The following RGS21 variants were observed in gnomAD, a reference collection of about 807,000 sequenced individuals.
RGS21 encodes regulator of G protein signaling 21.
RGS21 carries 19 observed loss-of-function variants against 18.7 expected under a neutral mutation model. That is an observed-to-expected ratio of 1.01 (90% CI 0.71 to 1.49). The LOEUF is 1.49. RGS21 is among the 40% of genes most tolerant of loss of function. RGS21 has a pLI of 0.00. For synonymous variants in RGS21, 56 were observed against 57.8 expected, an observed-to-expected ratio of 0.97 and a Z score of 0.14; for missense variants, 194 against 176.8, an observed-to-expected ratio of 1.10 and a Z score of -0.55.
At chr1:192,357,231 G>A (rs1211980696) in intron 4 of RGS21, among the ~76,000 whole-genome samples, 1 of 151,744 alleles carries the variant, frequency 6.6e-6, no homozygotes, top group African/African-American at 2.4e-5. Context: ...GATAGGAGAG[G>A]AAGAGGAAGA....
At chr1:192,363,978 C>T (rs1659221406) in intron 4 of RGS21, among the ~76,000 whole-genome samples, 1 of 152,108 alleles carries the variant, frequency 6.6e-6, no homozygotes, top group South Asian at 2.1e-4. Flanking sequence ...ATAACAGACA[C>T]TCAAAATTTT....
intron 1 of RGS21, among the ~76,000 whole-genome samples, chr1:192,341,985 C>T (rs775056420): frequency 6.6e-6 from 1 of 151,966 alleles, no homozygotes; most frequent in Non-Finnish European, 1.5e-5. Context: ...TGATGATTTC[C>T]CTTCTTAATG....
At chr1:192,346,363 A>T (rs1445157656) in intron 2 of RGS21, among the ~76,000 whole-genome samples, 1 of 152,160 alleles carries the variant, frequency 6.6e-6, no homozygotes, top group African/African-American at 2.4e-5. Context: ...CAAATACAAA[A>T]GTTTTATAAG....
chr1:192,355,881 G>C (rs1263267322), intron 4 of RGS21, among the ~76,000 whole-genome samples: 3 of 151,264 alleles, frequency 2.0e-5, no homozygotes, highest in African/African-American at 7.3e-5. Flanking sequence ...ATGAAAATAT[G>C]TCATTAAAGA....
chr1:192,347,230 A>T (rs1571458242), intron 2 of RGS21, 83 bp from the exon 3 acceptor site: 1 of 819,128 alleles, frequency 1.2e-6, no homozygotes, highest in East Asian at 2.5e-5. Flanking sequence ...GTTCATTTGA[A>T]TGATGTAACT....
chr1:192,350,138 T>C (rs1387777888), intron 3 of RGS21, among the ~76,000 whole-genome samples: 1 of 152,164 alleles, frequency 6.6e-6, no homozygotes, highest in African/African-American at 2.4e-5. Flanking sequence ...AATTGAATTT[T>C]TATATAGTGC....
intron 4 of RGS21, among the ~76,000 whole-genome samples, chr1:192,356,041 C>A (rs1390521909): frequency 2.0e-5 from 3 of 151,696 alleles, no homozygotes; most frequent in Non-Finnish European, 4.4e-5. Context: ...AGTCAAAAAA[C>A]AGCAGAAAAT....
chr1:192,343,055 G>A lies in RGS21; in HGVS notation c.11+8G>A. On this transcript the variant is annotated splice_region_variant and intron_variant, in intron 2 of 4. Transcript: ENST00000417209. ...ACGAAAAATGCCAGTGAAGTGAGTTGCCGTTTCCAGCTATTTTTATCTCAG... is the reference window on the plus strand; with the variant it reads ...ACGAAAAATGCCAGTGAAGTGAGTTACCGTTTCCAGCTATTTTTATCTCAG... 1 of 1,612,124 alleles carries A rather than the reference G, an allele frequency of 6.2e-7. No homozygotes were observed. The highest frequency in any genetic ancestry group is 8.5e-7 in the Non-Finnish European group (1 of 1,178,448).
At position 192,367,177 on chromosome 1, in the gene RGS21, T is replaced by C. The variant is rs965061425; in HGVS notation, c.*1053T>C. 2.0e-5 allele frequency: 3 copies of C among 152,090 alleles called. No homozygotes were observed. In the South Asian group the frequency reaches 6.2e-4, roughly 32 times the overall value. The allele number at this position is 152,090 out of a possible 1,614,324, so 9.4% of individuals were successfully genotyped here. A position where few individuals can be genotyped will look rare whatever the true frequency, so the allele number is the denominator to read the frequency against. On this transcript the variant is annotated 3_prime_UTR_variant, in exon 5 of 5. Transcript: ENST00000417209. ...TTTAGATTGTTTGAACATTAAAAAA[T>C]GGAGGAAAAATAGCATGGCTTATTT...
intron 2 of RGS21, among the ~76,000 whole-genome samples, chr1:192,343,543 C>T (rs1484319714): frequency 6.6e-6 from 1 of 152,064 alleles, no homozygotes; most frequent in Non-Finnish European, 1.5e-5. Flanking sequence ...ACAACTGGTT[C>T]TAGCTGGCAT....
At chr1:192,320,091 G>A (rs997836291) in intron 1 of RGS21, among the ~76,000 whole-genome samples, 1 of 152,002 alleles carries the variant, frequency 6.6e-6, no homozygotes, top group Non-Finnish European at 1.5e-5. Context: ...CCAGATGAAA[G>A]ACATTAAGAA....
At chr1:192,363,083 T>C (rs1659209388) in intron 4 of RGS21, among the ~76,000 whole-genome samples, 1 of 152,072 alleles carries the variant, frequency 6.6e-6, no homozygotes, top group Non-Finnish European at 1.5e-5. Flanking sequence ...TTATGAGAAA[T>C]GTTTAAAAGT....
intron 4 of RGS21, among the ~76,000 whole-genome samples, chr1:192,362,743 A>T (rs1659203515): frequency 6.6e-6 from 1 of 152,168 alleles, no homozygotes; most frequent in Non-Finnish European, 1.5e-5. Flanking sequence ...TCAGAAGTAC[A>T]AGGTTAATAT....
rs113253414 is a variant in RGS21, at chr1:192,330,149, T to C, written c.-60-12828T>C. Among the ~76,000 whole-genome samples, 887 of 152,226 alleles carry C rather than the reference T, an allele frequency of 5.8e-3. 9 individuals carry two copies. The highest frequency in any genetic ancestry group is 0.02 in the African/African-American group (819 of 41,540). On this transcript the variant is annotated intron_variant, in intron 1 of 4. Transcript: ENST00000417209. ...AAGAAGTCTAAAAGGAGAGATAAGA[T>C]ATGGTCACACACTAGAAGTACACAA...
At position 192,320,951 on chromosome 1, in the gene RGS21, TGCAATTA is replaced by T. The variant is rs982497483; in HGVS notation, c.-61+3850_-61+3856del. ...GACTCCCCATATCATTTATAAACCT[TGCAATTA>T]GCATATTTTTAAAGGATTGACTGTA... is the stretch of plus-strand genomic sequence containing the variant. On this transcript the variant is annotated intron_variant, in intron 1 of 4. Transcript: ENST00000417209. 1.3e-4 allele frequency among the ~76,000 whole-genome samples: 20 copies of T among 152,146 alleles called. No individual in the cohort carries two copies. In the South Asian group the frequency reaches 4.1e-3, roughly 32 times the overall value.
chr1:192,353,561 T>A (rs1659073775), intron 4 of RGS21, among the ~76,000 whole-genome samples: 1 of 151,886 alleles, frequency 6.6e-6, no homozygotes, highest in Admixed American at 6.6e-5. Flanking sequence ...TGAATTCATC[T>A]AATTAATAGT....
rs551033145 is a variant in RGS21, at chr1:192,365,935, C to T, written c.270C>T (p.Phe90=). The change falls in exon 5 of 5, where the codon TTC becomes TTT. Residue 90 remains phenylalanine (F), a synonymous_variant. Coordinates refer to ENST00000417209, the MANE Select transcript of RGS21 (RefSeq NM_001039152.3). The part of the protein sequence containing the change: ...ADAPKEINID[F]GTRDLISKNI... ...ATTTTCCACAGATTAACATTGACTTCGGTACCAGAGACCTCATCTCAAAGA... is the reference window on the plus strand; with the variant it reads ...ATTTTCCACAGATTAACATTGACTTTGGTACCAGAGACCTCATCTCAAAGA... The T allele has an allele frequency of 4.8e-5, 77 of 1,599,054 alleles. 1 individual carries two copies. The highest frequency in any genetic ancestry group is 3.5e-4 in the South Asian group (31 of 89,632).
chr1:192,327,687 G>A (rs1658586386), intron 1 of RGS21, among the ~76,000 whole-genome samples: 1 of 151,954 alleles, frequency 6.6e-6, no homozygotes, highest in South Asian at 2.1e-4. Context: ...TGGCCAGGCT[G>A]GTCTTGAACT....
chr1:192,353,134 A>T (rs751151999), intron 4 of RGS21, among the ~76,000 whole-genome samples: 2 of 151,984 alleles, frequency 1.3e-5, no homozygotes, highest in Admixed American at 1.3e-4. Flanking sequence ...ACGAGGATTC[A>T]TGGTATGAGA....
Sources: allele counts gnomAD v4.1 joint callset (sites outside exome capture counted in the v4.1 genomes callset), GRCh38; gene constraint gnomAD v4.1.1; transcripts MANE v1.5; gene names NCBI Gene and HGNC (gene_info 2026-07-23, HGNC 2026-07-21).